The following EAF2 variants were observed in gnomAD, a reference collection of about 807,000 sequenced individuals.
EAF2 encodes the protein ELL associated factor 2.
In EAF2, 29 loss-of-function variants were observed where a neutral mutation model predicts 29.4. That is an observed-to-expected ratio of 0.99 (90% CI 0.73 to 1.35). The LOEUF is 1.35. Among genes scored for constraint, EAF2 ranks in the 40% most tolerant of loss-of-function variants. EAF2 has a pLI of 0.00. For missense variants in EAF2, 292 were observed against 312.0 expected, an observed-to-expected ratio of 0.94 and a Z score of 0.48; for synonymous variants, 103 against 102.5, an observed-to-expected ratio of 1.00 and a Z score of -0.03.
chr3:121,868,180 C>G (rs886437250), intron 4 of EAF2, among the ~76,000 whole-genome samples: 1 of 152,118 alleles, frequency 6.6e-6, no homozygotes, highest in Non-Finnish European at 1.5e-5. Flanking sequence ...CAACTATATG[C>G]TGTTTATAAG....
intron 4 of EAF2, among the ~76,000 whole-genome samples, chr3:121,870,045 T>C (rs1215369630): frequency 1.3e-5 from 2 of 152,094 alleles, no homozygotes; most frequent in African/African-American, 4.8e-5. Flanking sequence ...ATTAAATTAG[T>C]AATTAAAAAG....
chr3:121,853,182 C>G (rs1358923171), intron 2 of EAF2, among the ~76,000 whole-genome samples: 1 of 152,142 alleles, frequency 6.6e-6, no homozygotes, highest in Non-Finnish European at 1.5e-5. Context: ...TTATGTATCT[C>G]TAACTGATAA....
At chr3:121,881,307 G>C (rs1183178117) in intron 5 of EAF2, among the ~76,000 whole-genome samples, 1 of 151,940 alleles carries the variant, frequency 6.6e-6, no homozygotes, top group African/African-American at 2.4e-5. Flanking sequence ...TTAAATGTTT[G>C]GTAGAATTCA....
chr3:121,849,117 A>C (rs1708583352), intron 2 of EAF2, among the ~76,000 whole-genome samples: 1 of 152,084 alleles, frequency 6.6e-6, no homozygotes, highest in African/African-American at 2.4e-5. Flanking sequence ...TGGAAATGTA[A>C]TGGTTATTAG....
intron 1 of EAF2, 46 bp from the exon 2 acceptor site, chr3:121,844,407 A>G (rs745516685): frequency 8.6e-7 from 1 of 1,159,958 alleles, no homozygotes; most frequent in Non-Finnish European, 1.3e-6. Context: ...TTTATATCCA[A>G]ATATCATTAC....
In EAF2 at chr3:121,881,440, G is replaced by A. The variant is rs776522377; in HGVS notation, c.737-4902G>A. On this transcript the variant is annotated intron_variant, in intron 5 of 5. Coordinates refer to ENST00000273668, the MANE Select transcript of EAF2 (RefSeq NM_018456.6). ...TTTTTTCTTGGTTCAATCTTGGTAG[G>A]TGGTATATGTCCACAAATTTATCAA... is the stretch of plus-strand genomic sequence containing the variant. 1.5e-3 allele frequency among the ~76,000 whole-genome samples: 235 copies of A among 152,066 alleles called. 5 individuals carry two copies. In the Middle Eastern group the frequency reaches 0.034, roughly 22 times the overall value.
chr3:121,870,643 A>G (rs1210115994), intron 4 of EAF2, among the ~76,000 whole-genome samples: 1 of 152,180 alleles, frequency 6.6e-6, no homozygotes, highest in Non-Finnish European at 1.5e-5. Context: ...AATATTCACA[A>G]ATGCCAAAAG....
intron 5 of EAF2, among the ~76,000 whole-genome samples, chr3:121,878,867 T>G (rs1036114719): frequency 6.6e-6 from 1 of 152,188 alleles, no homozygotes; most frequent in Non-Finnish European, 1.5e-5. Context: ...CAGATATCAC[T>G]TTGATATACT....
intron 4 of EAF2, among the ~76,000 whole-genome samples, chr3:121,862,005 C>G (rs1708841787): frequency 6.6e-6 from 1 of 152,202 alleles, no homozygotes; most frequent in Non-Finnish European, 1.5e-5. Context: ...GGCCCCCATG[C>G]TCTTCTGGCT....
At chr3:121,853,515 G>A (rs1054411057) in intron 2 of EAF2, among the ~76,000 whole-genome samples, 3 of 152,034 alleles carry the variant, frequency 2.0e-5, no homozygotes, top group South Asian at 4.1e-4. Context: ...CTGAAGCCTA[G>A]AACTCCTGGC....
At chr3:121,873,396 A>T (rs923794761) in intron 5 of EAF2, among the ~76,000 whole-genome samples, 1 of 151,748 alleles carries the variant, frequency 6.6e-6, no homozygotes, top group African/African-American at 2.4e-5. Context: ...TCCTTCATCA[A>T]GTCCTATTTG....
chr3:121,885,450 T>C (rs1709266413), intron 5 of EAF2, among the ~76,000 whole-genome samples: 1 of 152,256 alleles, frequency 6.6e-6, no homozygotes. Context: ...AGTTGCCTGC[T>C]TAAAATTTTC....
chr3:121,838,554 A>G (rs1708347064), intron 1 of EAF2, among the ~76,000 whole-genome samples: 1 of 152,194 alleles, frequency 6.6e-6, no homozygotes, highest in South Asian at 2.1e-4. Flanking sequence ...GAATAATTAG[A>G]AATGTAAATA....
chr3:121,842,431 C>T (rs1708453406), intron 1 of EAF2, among the ~76,000 whole-genome samples: 1 of 152,206 alleles, frequency 6.6e-6, no homozygotes, highest in East Asian at 1.9e-4. Flanking sequence ...GCCAACCTTT[C>T]ATCTTTTTTA....
chr3:121,882,348 CAAAA>C (rs56339909), intron 5 of EAF2, among the ~76,000 whole-genome samples: 6 of 135,788 alleles, frequency 4.4e-5, no homozygotes, highest in Admixed American at 1.5e-4. Context: ...GACTCTGTCT[CAAAA>C]AAAAAAAAAA....
At chr3:121,872,961 C>T (rs1303487910) in intron 5 of EAF2, 173 bp downstream of exon 5, 4 of 1,050,974 alleles carry the variant, frequency 3.8e-6, no homozygotes, top group Non-Finnish European at 5.6e-6. Context: ...GACATAATGC[C>T]TTCTTGGTTT....
chr3:121,866,299 T>C (rs2689290), intron 4 of EAF2, among the ~76,000 whole-genome samples: 118,721 of 152,096 alleles, frequency 0.78, 46,957 homozygotes, highest in East Asian at 0.94. Flanking sequence ...TCATTTAAAC[T>C]ACAGCCCACA....
intron 5 of EAF2, among the ~76,000 whole-genome samples, chr3:121,884,950 A>C (rs577286859): frequency 6.6e-6 from 1 of 152,228 alleles, no homozygotes; most frequent in Admixed American, 6.5e-5. Context: ...TTTGCTTCAG[A>C]TAAACCTGTA....
intron 1 of EAF2, among the ~76,000 whole-genome samples, chr3:121,843,901 T>C (rs1294870205): frequency 6.6e-6 from 1 of 152,198 alleles, no homozygotes; most frequent in Non-Finnish European, 1.5e-5. Context: ...TTCATTAATA[T>C]GTACTGTATT....
Sources: gnomAD v4.1 joint callset for allele counts (sites outside exome capture counted in the v4.1 genomes callset) on GRCh38, gnomAD v4.1.1 for gene constraint, MANE v1.5 for transcripts, NCBI Gene and HGNC (gene_info 2026-07-23, HGNC 2026-07-21) for gene names.